ZP2: variants seen among roughly 807,000 people sequenced by gnomAD.
ZP2 encodes zona pellucida sperm-binding protein 2.
A neutral mutation model predicts 84.0 loss-of-function variants in ZP2; 51 were observed. The ratio of observed to expected loss-of-function variants is 0.61; its 90% CI spans 0.49 to 0.77. The LOEUF (loss-of-function observed/expected upper bound fraction) is 0.77, where lower values mean the gene tolerates loss of function less well. Ranked by LOEUF, ZP2 falls within the 30% of genes least tolerant of loss-of-function variation. The probability of loss-of-function intolerance (pLI) is 0.00; values close to 1 mark genes in which losing one functional copy is unlikely to be tolerated. For missense variants in ZP2, 909 were observed against 911.9 expected (o/e 1.00, Z 0.04); for synonymous variants, 375 against 330.9 (o/e 1.13, Z -1.45).
intron 14 of ZP2, among the ~76,000 whole-genome samples, chr16:21,200,603 G>T (rs564278868): frequency 6.6e-6 from 1 of 152,214 alleles, no homozygotes; most frequent in Non-Finnish European, 1.5e-5. Context: ...GTACAAGTGT[G>T]TGGCTGCAAC....
chr16:21,207,732 G>C (rs945590590), intron 4 of ZP2, among the ~76,000 whole-genome samples: 1 of 151,860 alleles, frequency 6.6e-6, no homozygotes, highest in Non-Finnish European at 1.5e-5. Context: ...TCAGCTACTG[G>C]GCAGGCTGAG....
chr16:21,199,623 G>A lies in ZP2; in HGVS notation c.1874C>T (p.Pro625Leu), dbSNP rs2093215966. 6 of 1,613,872 alleles carry A rather than the reference G, an allele frequency of 3.7e-6. No individual in the cohort carries two copies. Among genetic ancestry groups the A allele is most frequent in the Non-Finnish European group, 4.2e-6 (5 of 1,179,918 alleles). Reference sequence around the variant, plus strand: ...GGTCACAGAACACAGTGGGGAGTCAGGGGAGAGTCGATTACAGATTAAGGC... The same window carrying A: ...GGTCACAGAACACAGTGGGGAGTCAAGGGAGAGTCGATTACAGATTAAGGC... ...CSALICNRLS[P>L]DSPLCSVTCP... Residue 625 changes from proline to leucine, a missense_variant, in exon 16 of 19, where the codon CCT becomes CTT. Coordinates refer to ENST00000574091, the MANE Select transcript of ZP2 (RefSeq NM_001376232.1).
At chr16:21,204,483 A>T in intron 7 of ZP2, 79 bp from the exon 8 acceptor site, 1 of 1,197,236 alleles carries the variant, frequency 8.4e-7, no homozygotes, top group Non-Finnish European at 1.2e-6. Flanking sequence ...CTTGGCAAGT[A>T]TATATCCAAG....
intron 18 of ZP2, 48 bp downstream of exon 18, chr16:21,197,718 G>A: frequency 5.0e-6 from 8 of 1,612,994 alleles, no homozygotes; most frequent in Non-Finnish European, 6.8e-6. Flanking sequence ...GTAAAACTAA[G>A]CCTTCAACAG....
At chr16:21,209,979 C>T (rs1019780107) in intron 3 of ZP2, 130 bp downstream of exon 3, 1 of 833,576 alleles carries the variant, frequency 1.2e-6, no homozygotes, top group South Asian at 1.6e-5. Context: ...AATCAGGTAT[C>T]CCCATGGCAT....
chr16:21,202,973 C>T (rs1001656763), intron 10 of ZP2, 152 bp downstream of exon 10: 3 of 863,568 alleles, frequency 3.5e-6, no homozygotes, highest in South Asian at 2.6e-5. Flanking sequence ...AGGACCCCAT[C>T]GTAGCAGCTA....
intron 17 of ZP2, among the ~76,000 whole-genome samples, chr16:21,198,354 C>T (rs1190741703): frequency 6.6e-6 from 1 of 152,048 alleles, no homozygotes; most frequent in East Asian, 1.9e-4. Context: ...AAGATCACAC[C>T]ATTGTACTCC....
intron 6 of ZP2, 65 bp downstream of exon 6, chr16:21,205,666 G>A (rs1382699939): frequency 1.9e-5 from 30 of 1,612,584 alleles, no homozygotes; most frequent in South Asian, 1.1e-5. Flanking sequence ...CAGGTTAAAG[G>A]TAATATCACC....
chr16:21,198,188 A>G (rs1373707317), intron 17 of ZP2, among the ~76,000 whole-genome samples: 1 of 147,994 alleles, frequency 6.8e-6, no homozygotes, highest in Non-Finnish European at 1.5e-5. Context: ...TGAGGTCAGG[A>G]GTTTGAGACC....
At chr16:21,197,706 G>A in intron 18 of ZP2, 60 bp downstream of exon 18, 1 of 1,612,350 alleles carries the variant, frequency 6.2e-7, no homozygotes, top group South Asian at 1.1e-5. Context: ...CCAGAGAAGG[G>A]GGTAAAACTA....
intron 17 of ZP2, among the ~76,000 whole-genome samples, chr16:21,198,379 G>A (rs2093209384): frequency 6.6e-6 from 1 of 151,940 alleles, no homozygotes; most frequent in Non-Finnish European, 1.5e-5. Context: ...TGGGTGACAA[G>A]AACAAAACTT....
At chr16:21,198,700 G>A (rs552724541) in intron 17 of ZP2, 79 bp downstream of exon 17, 2 of 1,161,230 alleles carry the variant, frequency 1.7e-6, no homozygotes, top group Middle Eastern at 1.9e-4. Flanking sequence ...CGGGTACATA[G>A]TATATGTAAG....
upstream of ZP2, among the ~76,000 whole-genome samples, chr16:21,213,453 A>G (rs959284822): frequency 1.1e-4 from 16 of 152,226 alleles, no homozygotes; most frequent in Non-Finnish European, 2.1e-4. Context: ...CTGAAATAAC[A>G]TTGGAGATTA....
intron 3 of ZP2, 88 bp downstream of exon 3, chr16:21,210,021 T>C (rs1156629736): frequency 1.7e-6 from 2 of 1,206,590 alleles, no homozygotes; most frequent in Non-Finnish European, 2.4e-6. Context: ...CTGCAGGAGT[T>C]TGGGTACTCT....
chr16:21,203,940 G>A lies in ZP2; in HGVS notation c.972+90C>T, dbSNP rs538073586. 96 of 1,435,946 alleles carry A rather than the reference G, an allele frequency of 6.7e-5. 3 individuals carry two copies. Among genetic ancestry groups the A allele is most frequent in the South Asian group, 5.2e-4 (45 of 86,354 alleles). 89.0% of individuals were successfully genotyped at this position (1,435,946 alleles called of 1,614,324 possible). On this transcript the variant is annotated intron_variant, in intron 9 of 18. Coordinates refer to ENST00000574091, the MANE Select transcript of ZP2 (RefSeq NM_001376232.1). ...TGTTATGTTGGCAATTAGAGCTCAC[G>A]GGCAAGTTATCAGCCGTATGAGGAC... is the stretch of plus-strand genomic sequence containing the variant.
intron 16 of ZP2, 31 bp downstream of exon 16, chr16:21,199,539 A>G (rs1597582610): frequency 6.5e-7 from 1 of 1,527,250 alleles, no homozygotes; most frequent in African/African-American, 1.4e-5. Context: ...TTTGAATTAG[A>G]CTCACAGAAA....
At chr16:21,200,127 TATATC>T (rs951858377) in intron 14 of ZP2, among the ~76,000 whole-genome samples, 15 of 152,330 alleles carry the variant, frequency 9.8e-5, no homozygotes, top group Non-Finnish European at 1.8e-4. Flanking sequence ...AAGTACAAAT[TATATC>T]ATTTCAGAAG....
At chr16:21,203,027 A>G (rs2093233100) in intron 10 of ZP2, 98 bp downstream of exon 10, 3 of 1,422,682 alleles carry the variant, frequency 2.1e-6, no homozygotes, top group African/African-American at 1.4e-5. Flanking sequence ...TCAGTCTATA[A>G]GCAATAGATC....
At chr16:21,204,552 C>G in intron 7 of ZP2, 148 bp from the exon 8 acceptor site, 1 of 670,928 alleles carries the variant, frequency 1.5e-6, no homozygotes, top group South Asian at 1.9e-5. Flanking sequence ...ACTAATTTGT[C>G]TAATCTGGAG....
Sources: gnomAD v4.1 joint callset for allele counts (sites outside exome capture counted in the v4.1 genomes callset) on GRCh38, gnomAD v4.1.1 for gene constraint, MANE v1.5 for transcripts, NCBI Gene and HGNC (gene_info 2026-07-23, HGNC 2026-07-21) for gene names.